Variants in CADM2 observed in about 807,000 individuals in gnomAD.
CADM2 encodes cell adhesion molecule 2.
CADM2 carries 12 observed loss-of-function variants against 49.8 expected under a neutral mutation model. The observed-to-expected ratio is 0.24, with a 90% CI of 0.15 to 0.39. The LOEUF (loss-of-function observed/expected upper bound fraction) is 0.39, where lower values mean the gene tolerates loss of function less well. Among genes scored for constraint, CADM2 ranks in the 10% least tolerant of loss-of-function variants. The pLI is 1.00. For synonymous variants in CADM2, 214 were observed against 175.4 expected, an observed-to-expected ratio of 1.22 and a Z score of -1.74; for missense variants, 378 against 492.3, an observed-to-expected ratio of 0.77 and a Z score of 2.20.
chr3:85,706,306 A>C (rs547367394), intron 1 of CADM2, among the ~76,000 whole-genome samples: 1 of 152,148 alleles, frequency 6.6e-6, no homozygotes, highest in South Asian at 2.1e-4. Context: ...ATTTCTATCC[A>C]ATTTGCCTGT....
intron 1 of CADM2, among the ~76,000 whole-genome samples, chr3:85,230,829 C>A (rs758696108): frequency 1.3e-5 from 2 of 151,960 alleles, no homozygotes; most frequent in South Asian, 2.1e-4. Context: ...TCCTTTTGAA[C>A]CTTCTCATTA....
intron 1 of CADM2, among the ~76,000 whole-genome samples, chr3:85,092,433 T>C (rs1023652073): frequency 6.6e-6 from 1 of 152,154 alleles, no homozygotes; most frequent in African/African-American, 2.4e-5. Context: ...AAACAATCTC[T>C]TTTAGAGAAA....
chr3:85,259,804 G>A (rs958183526), intron 1 of CADM2, among the ~76,000 whole-genome samples: 2 of 152,046 alleles, frequency 1.3e-5, no homozygotes, highest in African/African-American at 4.8e-5. Context: ...CATTATCACT[G>A]ACTATAGATT....
At chr3:85,837,285 A>C (rs1254478556) in intron 3 of CADM2, among the ~76,000 whole-genome samples, 1 of 151,700 alleles carries the variant, frequency 6.6e-6, no homozygotes, top group African/African-American at 2.4e-5. Flanking sequence ...TAAGCATGGT[A>C]ACTGTTAACT....
chr3:85,713,391 C>T (rs971071194), intron 1 of CADM2, among the ~76,000 whole-genome samples: 2 of 152,162 alleles, frequency 1.3e-5, no homozygotes, highest in Non-Finnish European at 2.9e-5. Context: ...TCAGGTGATC[C>T]GCCCTTCTGG....
rs180950026 is a variant in CADM2 at position 84,961,018 on chromosome 3, T to C, written c.61+1350T>C. Among the ~76,000 whole-genome samples, 44 of 152,252 alleles carry C rather than the reference T, an allele frequency of 2.9e-4. 1 individual carries two copies. In the East Asian group the frequency reaches 7.9e-3, roughly 27 times the overall value. ...TTTTTTAAGCTAGGTGACTAGATTT[T>C]TTTTCTTTGCCTGCCTCTAATCCTT... On this transcript the variant is annotated intron_variant, in intron 1 of 9. Transcript: ENST00000383699.
intron 2 of CADM2, among the ~76,000 whole-genome samples, chr3:85,782,472 C>T (rs865842964): frequency 3.3e-5 from 5 of 151,586 alleles, no homozygotes; most frequent in Non-Finnish European, 4.4e-5. Context: ...GTCAGGAGAT[C>T]GAGACCATCC....
At chr3:85,449,211 G>A (rs576584527) in intron 1 of CADM2, among the ~76,000 whole-genome samples, 96 of 150,912 alleles carry the variant, frequency 6.4e-4, no homozygotes, top group Non-Finnish European at 1.1e-3. Flanking sequence ...GTCACAAAGT[G>A]CTATTAAGAA....
At chr3:85,820,721 T>C (rs1451151988) in intron 3 of CADM2, among the ~76,000 whole-genome samples, 1 of 151,998 alleles carries the variant, frequency 6.6e-6, no homozygotes, top group African/African-American at 2.4e-5. Context: ...GGTATATGAG[T>C]CTGGAGTCCA....
chr3:85,229,161 A>G (rs1037003107), intron 1 of CADM2, among the ~76,000 whole-genome samples: 3 of 152,038 alleles, frequency 2.0e-5, no homozygotes, highest in Non-Finnish European at 4.4e-5. Context: ...CCCTCCCCCA[A>G]CCAAGCTCGT....
intron 3 of CADM2, among the ~76,000 whole-genome samples, chr3:85,808,398 T>C (rs2072591638): frequency 6.6e-6 from 1 of 151,636 alleles, no homozygotes; most frequent in Admixed American, 6.6e-5. Flanking sequence ...AAGTGGGGAG[T>C]AGAGGTCATT....
At chr3:85,215,237 C>T (rs1395464886) in intron 1 of CADM2, among the ~76,000 whole-genome samples, 3 of 151,568 alleles carry the variant, frequency 2.0e-5, no homozygotes. Flanking sequence ...TGGCCCACAG[C>T]ATGTCTAGAA....
At chr3:85,786,951 G>T (rs1345516846) in intron 2 of CADM2, among the ~76,000 whole-genome samples, 1 of 151,998 alleles carries the variant, frequency 6.6e-6, no homozygotes, top group African/African-American at 2.4e-5. Context: ...TTTGTAGTCT[G>T]CTGGGAACTT....
At chr3:85,382,328 G>A (rs2033953899) in intron 1 of CADM2, among the ~76,000 whole-genome samples, 1 of 152,148 alleles carries the variant, frequency 6.6e-6, no homozygotes, top group Admixed American at 6.5e-5. Context: ...AGCGTAGAGA[G>A]AAGTCTGGGA....
intron 1 of CADM2, among the ~76,000 whole-genome samples, chr3:85,354,324 AG>A (rs932090689): frequency 3.2e-5 from 4 of 124,266 alleles, no homozygotes; most frequent in African/African-American, 1.2e-4. Flanking sequence ...GGACACAGGA[AG>A]GGGAACATCA....
intron 8 of CADM2, among the ~76,000 whole-genome samples, chr3:85,971,847 A>T (rs373498227): frequency 9.2e-5 from 14 of 151,726 alleles, no homozygotes; most frequent in East Asian, 3.9e-4. Context: ...TCTTGTAATT[A>T]CATAGAACTG....
chr3:85,486,667 T>A (rs1438040052), intron 1 of CADM2, among the ~76,000 whole-genome samples: 1 of 151,982 alleles, frequency 6.6e-6, no homozygotes, highest in East Asian at 2.0e-4. Flanking sequence ...CAGATTTGAT[T>A]ATCCTGTAGA....
intron 1 of CADM2, among the ~76,000 whole-genome samples, chr3:85,528,541 C>G (rs57671246): frequency 0.51 from 78,129 of 152,020 alleles, 23,111 homozygotes; most frequent in East Asian, 0.85. Flanking sequence ...ACTTTTCAGT[C>G]TTCATTATGG....
chr3:85,487,268 A>G (rs1048862434), intron 1 of CADM2, among the ~76,000 whole-genome samples: 3 of 152,166 alleles, frequency 2.0e-5, no homozygotes, highest in Non-Finnish European at 4.4e-5. Context: ...TAGTCTCAGT[A>G]CTTTGGAGGC....
Sources: allele counts gnomAD v4.1 joint callset (sites outside exome capture counted in the v4.1 genomes callset), GRCh38; gene constraint gnomAD v4.1.1; transcripts MANE v1.5; gene names NCBI Gene and HGNC (gene_info 2026-07-23, HGNC 2026-07-21).